Variants in B4GALT5 observed in about 807,000 individuals in gnomAD.
The protein encoded by B4GALT5 is UDP-Gal:beta-GlcNAc beta-1,4-galactosyltransferase 5.
A neutral mutation model predicts 45.0 loss-of-function variants in B4GALT5; 11 were observed. The ratio of observed to expected loss-of-function variants is 0.24; its 90% confidence interval spans 0.15 to 0.40. The LOEUF is 0.40. Among genes scored for constraint, B4GALT5 ranks in the 10% least tolerant of loss-of-function variants. The probability of loss-of-function intolerance (pLI) is 1.00; values close to 1 mark genes in which losing one functional copy is unlikely to be tolerated. For missense variants in B4GALT5, 337 were observed against 500.2 expected, an observed-to-expected ratio of 0.67 and a Z score of 3.11; for synonymous variants, 185 against 182.9, an observed-to-expected ratio of 1.01 and a Z score of -0.09.
rs113769883 is a variant in B4GALT5 at position 49,684,934 on chromosome 20, G to C, written c.116-28232C>G. 9.3e-3 allele frequency among the ~76,000 whole-genome samples: 1,409 copies of C among 152,294 alleles called. 23 individuals are homozygous for C. Among genetic ancestry groups the C allele is most frequent in the African/African-American group, 0.032 (1,348 of 41,552 alleles). On this transcript the variant is annotated intron_variant, in intron 1 of 8. Transcript: ENST00000371711. ...CAGAGTAGGCCTTCAGGAAGTCACA[G>C]TTATTATTTGTATAAGCCTTTCAGT... is the stretch of plus-strand genomic sequence containing the variant.
intron 1 of B4GALT5, among the ~76,000 whole-genome samples, chr20:49,693,077 C>T (rs985889311): frequency 6.6e-6 from 1 of 152,094 alleles, no homozygotes; most frequent in African/African-American, 2.4e-5. Flanking sequence ...ACCATACAGC[C>T]AAGGGGTGTA....
chr20:49,708,666 G>C (rs555380590), intron 1 of B4GALT5, among the ~76,000 whole-genome samples: 5 of 152,002 alleles, frequency 3.3e-5, no homozygotes, highest in Admixed American at 3.3e-4. Context: ...AAATGTCATC[G>C]GCCAGGCGCA....
intron 5 of B4GALT5, among the ~76,000 whole-genome samples, chr20:49,641,695 G>C (rs1444489895): frequency 6.6e-6 from 1 of 152,190 alleles, no homozygotes; most frequent in African/African-American, 2.4e-5. Flanking sequence ...ACTCAAAAGT[G>C]TGCCCATAGA....
At chr20:49,645,919 G>T (rs6125698) in intron 3 of B4GALT5, among the ~76,000 whole-genome samples, 1 of 151,708 alleles carries the variant, frequency 6.6e-6, no homozygotes, top group Non-Finnish European at 1.5e-5. Flanking sequence ...GTAGTGGCAC[G>T]ATCATGGCAC....
At chr20:49,698,293 G>A (rs940597584) in intron 1 of B4GALT5, among the ~76,000 whole-genome samples, 13 of 151,774 alleles carry the variant, frequency 8.6e-5, no homozygotes, top group Non-Finnish European at 1.0e-4. Context: ...ACCACACTCC[G>A]GCCTGGGGGA....
chr20:49,647,965 C>A (rs810643), intron 2 of B4GALT5, among the ~76,000 whole-genome samples: 1,955 of 152,182 alleles, frequency 0.013, 36 homozygotes, highest in African/African-American at 0.045. Flanking sequence ...TCCAGTTTTC[C>A]GTCTTGCCAT....
intron 1 of B4GALT5, among the ~76,000 whole-genome samples, chr20:49,706,128 G>GA (rs1345460149): frequency 6.6e-6 from 1 of 150,850 alleles, no homozygotes; most frequent in Non-Finnish European, 1.5e-5. Context: ...CCAGGAGGCG[G>GA]AGGTTGCAGT....
At chr20:49,667,194 CT>C (rs763103361) in intron 1 of B4GALT5, among the ~76,000 whole-genome samples, 2 of 151,788 alleles carry the variant, frequency 1.3e-5, no homozygotes, top group Non-Finnish European at 2.9e-5. Context: ...GCTGCCCACA[CT>C]TTGTTTGATT....
At chr20:49,693,684 C>T (rs1293080355) in intron 1 of B4GALT5, among the ~76,000 whole-genome samples, 1 of 152,222 alleles carries the variant, frequency 6.6e-6, no homozygotes, top group African/African-American at 2.4e-5. Context: ...TTCGCCACCA[C>T]TTTTTAAGAC....
chr20:49,636,925 C>CACACACACAT, intron 8 of B4GALT5, among the ~76,000 whole-genome samples: 1 of 151,884 alleles, frequency 6.6e-6, no homozygotes, highest in South Asian at 2.1e-4. Flanking sequence ...CACACACACA[C>CACACACACAT]ACACACACAC....
chr20:49,683,986 C>T (rs1461862552), intron 1 of B4GALT5, among the ~76,000 whole-genome samples: 3 of 151,488 alleles, frequency 2.0e-5, no homozygotes, highest in Non-Finnish European at 2.9e-5. Context: ...ACTAAAAATA[C>T]AAAAATTAGC....
chr20:49,653,214 G>C (rs1355696746), intron 2 of B4GALT5, among the ~76,000 whole-genome samples: 1 of 152,124 alleles, frequency 6.6e-6, no homozygotes, highest in Middle Eastern at 3.2e-3. Flanking sequence ...ATGCTCCATT[G>C]AGTATTTTTT....
intron 4 of B4GALT5, among the ~76,000 whole-genome samples, 176 bp downstream of exon 4, chr20:49,643,350 G>GT (rs1344954858): frequency 4.6e-5 from 7 of 152,116 alleles, no homozygotes; most frequent in Admixed American, 6.6e-5. Flanking sequence ...GCAAATTTCT[G>GT]TATCTACAAA....
At position 49,640,458 on chromosome 20, in the gene B4GALT5, T is replaced by C. The variant is rs1214424214; in HGVS notation, c.794+20A>G. The stretch of plus-strand genomic sequence containing the variant: ...TCCTTTCAGATTTAACCTCTTTAAT[T>C]AAGAAGAAATGATACTCACAGATAC... On this transcript the variant is annotated intron_variant, in intron 6 of 8. Coordinates refer to ENST00000371711, the MANE Select transcript of B4GALT5 (RefSeq NM_004776.4). 5.2e-6 allele frequency: 8 copies of C among 1,545,378 alleles called. No individual in the cohort carries two copies. Among genetic ancestry groups the C allele is most frequent in the African/African-American group, 4.2e-5 (3 of 72,166 alleles).
rs543239160 is a variant in B4GALT5 at position 49,702,989 on chromosome 20, C to T, written c.115+10587G>A. Among the ~76,000 whole-genome samples the T allele has an allele frequency of 3.0e-4, 45 of 151,650 alleles. No individual in the cohort carries two copies. The South Asian group carries it at 7.9e-3, about 27-fold the overall frequency. On this transcript the variant is annotated intron_variant, in intron 1 of 8. Coordinates refer to ENST00000371711, the MANE Select transcript of B4GALT5 (RefSeq NM_004776.4). ...GAGATCAAGACCATCCTGGCTGACACGATGAAACCCCGTCTCTACTAAAAA... is the reference window on the plus strand; with the variant it reads ...GAGATCAAGACCATCCTGGCTGACATGATGAAACCCCGTCTCTACTAAAAA...
rs145653502 is a variant in B4GALT5 at position 49,688,863 on chromosome 20, G to C, written c.115+24713C>G. On this transcript the variant is annotated intron_variant, in intron 1 of 8. Transcript: ENST00000371711. ...GAGGCAGGAGAATTGCTTAAGTCCG[G>C]GAGGCAGAGGTGGCAGTGAGCCGAG... 6.4e-3 allele frequency among the ~76,000 whole-genome samples: 969 copies of C among 151,722 alleles called. 6 individuals are homozygous for C. Among genetic ancestry groups the C allele is most frequent in the Non-Finnish European group, 0.012 (792 of 67,958 alleles).
Position 49,710,405 on chromosome 20 carries a change from C to CTTT in B4GALT5, c.115+3168_115+3170dup, listed in dbSNP as rs751939911. Reference sequence around the variant, plus strand: ...TGTTATTTTCTGTTATTTTCTCTCTCTTTTTTTTTTTTTTGTGTGTGTGTG... The same window carrying CTTT: ...TGTTATTTTCTGTTATTTTCTCTCTCTTTTTTTTTTTTTTTTTGTGTGTGTGTG... On this transcript the variant is annotated intron_variant, in intron 1 of 8. Coordinates refer to ENST00000371711, the MANE Select transcript of B4GALT5 (RefSeq NM_004776.4). Among the ~76,000 whole-genome samples the CTTT allele has an allele frequency of 2.4e-3, 244 of 102,428 alleles. 1 individual carries two copies. Among genetic ancestry groups the CTTT allele is most frequent in the African/African-American group, 6.1e-3 (172 of 28,298 alleles). 67.2% of individuals were successfully genotyped at this position (102,428 alleles called of 152,430 possible). A position where few individuals can be genotyped will look rare whatever the true frequency, so the allele number is the denominator to read the frequency against.
chr20:49,682,783 T>A (rs983899141), intron 1 of B4GALT5, among the ~76,000 whole-genome samples: 2 of 152,244 alleles, frequency 1.3e-5, no homozygotes, highest in East Asian at 3.9e-4. Flanking sequence ...TTAGTGAGCC[T>A]AAGGCAAAAA....
chr20:49,672,175 G>A (rs1206125125), intron 1 of B4GALT5, among the ~76,000 whole-genome samples: 1 of 152,086 alleles, frequency 6.6e-6, no homozygotes, highest in East Asian at 1.9e-4. Context: ...CATGTCCTAT[G>A]GGGATAATAT....
Sources: allele counts gnomAD v4.1 joint callset (sites outside exome capture counted in the v4.1 genomes callset), GRCh38; gene constraint gnomAD v4.1.1; transcripts MANE v1.5; gene names NCBI Gene and HGNC (gene_info 2026-07-23, HGNC 2026-07-21).